RCL1: variants seen among roughly 807,000 people sequenced by gnomAD.
The protein encoded by RCL1 is RNA 3'-terminal phosphate cyclase-like protein.
In RCL1, 24 loss-of-function variants were observed where a neutral mutation model predicts 42.4. The ratio of observed to expected loss-of-function variants is 0.57; its 90% CI spans 0.41 to 0.80. RCL1 has a LOEUF of 0.80. Among genes scored for constraint, RCL1 ranks in the 30% least tolerant of loss-of-function variants. RCL1 has a pLI of 0.00. For synonymous variants in RCL1, 228 were observed against 177.3 expected (o/e 1.29, Z -2.27); for missense variants, 578 against 467.9 (o/e 1.24, Z -2.17).
In RCL1 at chr9:4,793,002, G is replaced by A; in HGVS notation, c.-90G>A. On this transcript the variant is annotated 5_prime_UTR_variant, in exon 1 of 9. Transcript: ENST00000381750. ...AGCCCGAGCCGCCGCCGTCGGTGTC[G>A]CCGCCACCACCACCATCGGAGTCAC... 6.9e-7 allele frequency: 1 copy of A among 1,449,104 alleles called. No individual in the cohort carries two copies. Among genetic ancestry groups the A allele is most frequent in the Non-Finnish European group, 9.2e-7 (1 of 1,084,226 alleles). 89.8% of individuals were successfully genotyped at this position (1,449,104 alleles called of 1,614,324 possible).
chr9:4,805,486 T>C (rs1181783489), intron 1 of RCL1, among the ~76,000 whole-genome samples: 5 of 152,150 alleles, frequency 3.3e-5, no homozygotes, highest in South Asian at 2.1e-4. Flanking sequence ...GGATCAAATA[T>C]TAGTTGGAGA....
At chr9:4,809,984 T>C (rs1816114129) in intron 1 of RCL1, among the ~76,000 whole-genome samples, 1 of 152,044 alleles carries the variant, frequency 6.6e-6, no homozygotes, top group African/African-American at 2.4e-5. Flanking sequence ...GCCCAGCTAA[T>C]TTTTGTATTT....
chr9:4,857,122 A>G (rs1368705265), intron 8 of RCL1, among the ~76,000 whole-genome samples: 1 of 152,212 alleles, frequency 6.6e-6, no homozygotes, highest in Non-Finnish European at 1.5e-5. Context: ...GACACAATTT[A>G]CCCATTTTAA....
intron 5 of RCL1, among the ~76,000 whole-genome samples, chr9:4,838,886 C>T (rs1817224546): frequency 6.6e-6 from 1 of 152,172 alleles, no homozygotes; most frequent in Non-Finnish European, 1.5e-5. Flanking sequence ...TAAAGAAAAG[C>T]AATAGCTGAC....
rs1202120405 is a variant in RCL1, at chr9:4,849,858, T to A, written c.971+308T>A. On this transcript the variant is annotated intron_variant, in intron 8 of 8. Coordinates refer to ENST00000381750, the MANE Select transcript of RCL1 (RefSeq NM_005772.5). ...ACTCCTGGTTTGGTGTAGCTTGGAT[T>A]TTATTACTAGTTTTTTTTTAATCAT... Among the ~76,000 whole-genome samples, 5 of 152,310 alleles carry A rather than the reference T, an allele frequency of 3.3e-5. 1 individual carries two copies. Among genetic ancestry groups the A allele is most frequent in the South Asian group, 4.1e-4 (2 of 4,824 alleles).
chr9:4,811,733 G>A (rs1251147047), intron 1 of RCL1, among the ~76,000 whole-genome samples: 1 of 152,114 alleles, frequency 6.6e-6, no homozygotes, highest in Non-Finnish European at 1.5e-5. Flanking sequence ...GGGATTGCTG[G>A]ATCATATGGT....
chr9:4,833,154 G>C lies in RCL1; in HGVS notation c.385G>C (p.Val129Leu). The C allele has an allele frequency of 2.5e-6, 4 of 1,606,048 alleles. No individual in the cohort carries two copies. In the East Asian group the frequency reaches 6.7e-5, roughly 27 times the overall value. The change falls in exon 4 of 9, where the codon GTT (valine) becomes CTT (leucine). Residue 129 changes from valine to leucine, a missense_variant and splice_region_variant. Physicochemically the swap from Val to Leu is conservative, Grantham distance 32. Coordinates refer to ENST00000381750, the MANE Select transcript of RCL1 (RefSeq NM_005772.5). ...TTTCTTTTCTGAAATAATTTCATAG[G>C]TTGATGTTCTTAAGGCAACAGCACT... The part of the protein sequence containing the change: ...GVTNDQVDPS[V>L]DVLKATALPL...
chr9:4,806,467 T>C (rs1815967483), intron 1 of RCL1, among the ~76,000 whole-genome samples: 1 of 152,190 alleles, frequency 6.6e-6, no homozygotes, highest in Non-Finnish European at 1.5e-5. Context: ...ATGCTTTTTC[T>C]GCACCAGTTG....
At chr9:4,804,758 C>A in intron 1 of RCL1, 1 of 186,212 alleles carries the variant, frequency 5.4e-6, no homozygotes, top group Non-Finnish European at 1.1e-5. Flanking sequence ...CGGTGGCGGC[C>A]ACTGACTCCT....
At chr9:4,837,516 G>A (rs1817181007) in intron 5 of RCL1, among the ~76,000 whole-genome samples, 1 of 152,046 alleles carries the variant, frequency 6.6e-6, no homozygotes, top group African/African-American at 2.4e-5. Flanking sequence ...ACTTTGTTTG[G>A]AATCCAGTCT....
chr9:4,841,446 G>A (rs1190798824), intron 6 of RCL1, 89 bp downstream of exon 6: 13 of 994,940 alleles, frequency 1.3e-5, no homozygotes, highest in African/African-American at 3.2e-5. Context: ...CTGAGGTTGC[G>A]CAGCCAGAGG....
At chr9:4,834,654 A>G (rs924918230) in intron 5 of RCL1, among the ~76,000 whole-genome samples, 2 of 152,104 alleles carry the variant, frequency 1.3e-5, no homozygotes, top group African/African-American at 2.4e-5. Context: ...ATAACATGCA[A>G]AATGATATGT....
chr9:4,851,639 C>A (rs1202027010), intron 8 of RCL1, among the ~76,000 whole-genome samples: 8 of 151,698 alleles, frequency 5.3e-5, no homozygotes, highest in South Asian at 2.1e-4. Context: ...GGAGACCAAA[C>A]TAACACATTT....
intron 1 of RCL1, among the ~76,000 whole-genome samples, chr9:4,793,720 A>G (rs1232908429): frequency 2.6e-5 from 4 of 152,200 alleles, no homozygotes; most frequent in African/African-American, 7.2e-5. Flanking sequence ...TCCTGTCGCC[A>G]TGATTTCTCG....
intron 5 of RCL1, among the ~76,000 whole-genome samples, chr9:4,836,273 A>T (rs1817126056): frequency 6.6e-6 from 1 of 152,098 alleles, no homozygotes; most frequent in Admixed American, 6.5e-5. Context: ...GGTTGGATGC[A>T]GGTTGGCAAG....
intron 6 of RCL1, among the ~76,000 whole-genome samples, chr9:4,843,162 C>T (rs1485605498): frequency 6.6e-6 from 1 of 152,172 alleles, no homozygotes; most frequent in African/African-American, 2.4e-5. Context: ...TAGTGCTCTT[C>T]CTTCTCTGTT....
chr9:4,833,359 G>A lies in RCL1; in HGVS notation c.459+131G>A, dbSNP rs1817014727. On this transcript the variant is annotated intron_variant, in intron 4 of 8. Coordinates refer to ENST00000381750, the MANE Select transcript of RCL1 (RefSeq NM_005772.5). ...CACCAGTTATCAGAAGACTCACAGG[G>A]CTCATGAAATAAACACTACAGACTT... The A allele has an allele frequency of 1.4e-5, 10 of 698,968 alleles. No homozygotes were observed. In the South Asian group the frequency reaches 1.6e-4, roughly 11 times the overall value. The allele number at this position is 698,968 out of a possible 1,614,324, so 43.3% of individuals were successfully genotyped here.
chr9:4,795,682 A>G (rs1386517690), intron 1 of RCL1, among the ~76,000 whole-genome samples: 1 of 152,214 alleles, frequency 6.6e-6, no homozygotes, highest in Non-Finnish European at 1.5e-5. Flanking sequence ...TTCAGTTCTA[A>G]TGCAAGAATC....
At chr9:4,844,453 C>G (rs1248338654) in intron 6 of RCL1, 72 bp from the exon 7 acceptor site, 2 of 1,194,772 alleles carry the variant, frequency 1.7e-6, no homozygotes, top group South Asian at 1.5e-5. Context: ...TTTGTCTTCT[C>G]TTTCCGTTTG....
Sources: allele counts gnomAD v4.1 joint callset (sites outside exome capture counted in the v4.1 genomes callset), GRCh38; gene constraint gnomAD v4.1.1; transcripts MANE v1.5; gene names NCBI Gene and HGNC (gene_info 2026-07-23, HGNC 2026-07-21).